The following PLXNA4 variants were observed in gnomAD, a reference collection of about 807,000 sequenced individuals.
The protein encoded by PLXNA4 is plexin-A4.
A neutral mutation model predicts 191.8 loss-of-function variants in PLXNA4; 44 were observed. The ratio of observed to expected loss-of-function variants is 0.23; its 90% CI spans 0.18 to 0.29. The LOEUF is 0.29. Among genes scored for constraint, PLXNA4 ranks in the 10% least tolerant of loss-of-function variants. The probability of loss-of-function intolerance (pLI) is 1.00; values close to 1 mark genes in which losing one functional copy is unlikely to be tolerated. For synonymous variants in PLXNA4, 1,082 were observed against 1,009.5 expected (o/e 1.07, Z -1.36); for missense variants, 1,800 against 2,488.8 (o/e 0.72, Z 5.89).
intron 3 of PLXNA4, among the ~76,000 whole-genome samples, chr7:132,485,459 C>T (rs1391905471): frequency 6.6e-6 from 1 of 152,140 alleles, no homozygotes; most frequent in Admixed American, 6.5e-5. Flanking sequence ...TAAAAATGAT[C>T]GCTTAGTGAA....
intron 3 of PLXNA4, among the ~76,000 whole-genome samples, chr7:132,429,277 T>C (rs1012233581): frequency 6.6e-6 from 1 of 152,184 alleles, no homozygotes; most frequent in Non-Finnish European, 1.5e-5. Flanking sequence ...GTCCCTGGGT[T>C]ACAATTCACT....
At chr7:132,572,776 G>A (rs1399551681) in intron 1 of PLXNA4, among the ~76,000 whole-genome samples, 1 of 152,222 alleles carries the variant, frequency 6.6e-6, no homozygotes, top group Non-Finnish European at 1.5e-5. Flanking sequence ...TCAGGTGGGA[G>A]TCTGGGGAGG....
At position 132,126,944 on chromosome 7, in the gene PLXNA4, C is replaced by CTA. The variant is rs1794784217; in HGVS notation, c.*3533_*3534dup. 6.6e-6 allele frequency: 1 copy of CTA among 152,180 alleles called. No individual in the cohort carries two copies. Among genetic ancestry groups the CTA allele is most frequent in the Admixed American group, 6.5e-5 (1 of 15,284 alleles). The allele number at this position is 152,180 out of a possible 1,614,324, so 9.4% of individuals were successfully genotyped here. On this transcript the variant is annotated 3_prime_UTR_variant, in exon 32 of 32. Coordinates refer to ENST00000321063, the MANE Select transcript of PLXNA4 (RefSeq NM_020911.2). ...TGATGGCCACCTTCACTTAGTGGCA[C>CTA]TATTTGCAGCTACCAAGAAATGTCA...
In PLXNA4 at chr7:132,130,353, G is replaced by A; in HGVS notation, c.*126C>T. ...ACGGAAAGAGGCAGAGAGAAAGAGA[G>A]AGAAACAGCGCTGCTCAGGGGATGC... On this transcript the variant is annotated 3_prime_UTR_variant, in exon 32 of 32. Coordinates refer to ENST00000321063, the MANE Select transcript of PLXNA4 (RefSeq NM_020911.2). 1 of 1,316,160 alleles carries A rather than the reference G, an allele frequency of 7.6e-7. No homozygotes were observed. The highest frequency in any genetic ancestry group is 1.1e-6 in the Non-Finnish European group (1 of 940,288). The allele number at this position is 1,316,160 out of a possible 1,614,324, so 81.5% of individuals were successfully genotyped here.
In PLXNA4 at chr7:132,508,361, G is replaced by A. The variant is rs1422676536; in HGVS notation, c.333C>T (p.Thr111=). 1.2e-6 allele frequency: 2 copies of A among 1,614,190 alleles called. No homozygotes were observed. The highest frequency in any genetic ancestry group is 2.2e-5 in the South Asian group (2 of 91,078). The change falls in exon 2 of 32, where the codon ACC becomes ACT. Residue 111 remains threonine, a synonymous_variant. Transcript: ENST00000321063. This position sits in a 1 kb window ranked among gnomAD's most constrained non-coding sequence, Gnocchi z 4.4. ...TGAGGAGCATCTTGTTGACATTGTT[G>A]GTGGTGGTCAGGGGCTCATTGCAGG... The part of the protein sequence containing the change: ...VQTCNEPLTT[T]NNVNKMLLID...
At chr7:132,528,254 C>G (rs1799484387) in intron 1 of PLXNA4, among the ~76,000 whole-genome samples, 1 of 152,142 alleles carries the variant, frequency 6.6e-6, no homozygotes, top group Non-Finnish European at 1.5e-5. Flanking sequence ...GGAGGCGCAG[C>G]AGTTGGACAC....
At chr7:132,267,405 G>C (rs1424689226) in intron 4 of PLXNA4, among the ~76,000 whole-genome samples, 1 of 152,154 alleles carries the variant, frequency 6.6e-6, no homozygotes, top group Non-Finnish European at 1.5e-5. Context: ...ATGGGGAGAG[G>C]GGTGTGCCCA....
chr7:132,598,338 T>C (rs2116836650), intron 2 of PLXNA4, among the ~76,000 whole-genome samples: 1 of 152,262 alleles, frequency 6.6e-6, no homozygotes, highest in African/African-American at 2.4e-5. Context: ...CTCAAACTCC[T>C]GAACTCATGA....
intron 13 of PLXNA4, among the ~76,000 whole-genome samples, chr7:132,194,852 TCTTAAAA>T (rs535916336): frequency 4.6e-4 from 70 of 152,298 alleles, no homozygotes; most frequent in African/African-American, 1.6e-3. Context: ...GCCCCATTCT[TCTTAAAA>T]CTTAAAACTA....
At chr7:132,407,284 TG>T (rs1794261437) in intron 3 of PLXNA4, among the ~76,000 whole-genome samples, 1 of 152,132 alleles carries the variant, frequency 6.6e-6, no homozygotes, top group Non-Finnish European at 1.5e-5. Flanking sequence ...AGGGATGAGA[TG>T]GACTGATGTG....
chr7:132,472,334 C>T (rs1796962896), intron 3 of PLXNA4, among the ~76,000 whole-genome samples: 1 of 152,202 alleles, frequency 6.6e-6, no homozygotes, highest in South Asian at 2.1e-4. Flanking sequence ...TTGCTCTGGT[C>T]AGTTGCACAA....
intron 3 of PLXNA4, among the ~76,000 whole-genome samples, chr7:132,444,494 G>C (rs1795821112): frequency 6.6e-6 from 1 of 152,204 alleles, no homozygotes; most frequent in African/African-American, 2.4e-5. Flanking sequence ...ACCTCCCAAA[G>C]TGCTGGGATT....
chr7:132,486,352 G>T (rs973079240), intron 3 of PLXNA4, among the ~76,000 whole-genome samples: 2 of 152,218 alleles, frequency 1.3e-5, no homozygotes, highest in African/African-American at 4.8e-5. Flanking sequence ...CTTAGTGAGT[G>T]AGTGGGGGTG....
chr7:132,376,144 C>T (rs1339307031), intron 3 of PLXNA4, among the ~76,000 whole-genome samples: 1 of 152,198 alleles, frequency 6.6e-6, no homozygotes, highest in African/African-American at 2.4e-5. Flanking sequence ...AGTGTTGCTA[C>T]TCTGAAGACT....
At chr7:132,364,663 C>T (rs1804083092) in intron 3 of PLXNA4, among the ~76,000 whole-genome samples, 1 of 152,174 alleles carries the variant, frequency 6.6e-6, no homozygotes, top group African/African-American at 2.4e-5. Flanking sequence ...AGGAATTTTC[C>T]TTATCACCAA....
intron 20 of PLXNA4, among the ~76,000 whole-genome samples, chr7:132,178,557 G>C (rs569506586): frequency 9.2e-5 from 14 of 152,314 alleles, no homozygotes; most frequent in African/African-American, 2.6e-4. Context: ...TGTTGCCAGG[G>C]TGGGGCCTGC....
At chr7:132,571,006 C>T (rs938496661) in intron 1 of PLXNA4, among the ~76,000 whole-genome samples, 2 of 152,114 alleles carry the variant, frequency 1.3e-5, no homozygotes, top group Admixed American at 6.5e-5. Flanking sequence ...CTTCTAGCCA[C>T]CTCAAGTTGG....
At chr7:132,296,941 C>T (rs1801106874) in intron 4 of PLXNA4, among the ~76,000 whole-genome samples, 1 of 152,058 alleles carries the variant, frequency 6.6e-6, no homozygotes. Flanking sequence ...CAGTGGGTCC[C>T]AGTATGGCTG....
intron 2 of PLXNA4, among the ~76,000 whole-genome samples, chr7:132,500,421 C>T (rs914946736): frequency 6.7e-6 from 1 of 149,542 alleles, no homozygotes; most frequent in African/African-American, 2.5e-5. Context: ...CCACCCTGGG[C>T]AACAAGAGTG....
Sources: gnomAD v4.1 joint callset for allele counts (sites outside exome capture counted in the v4.1 genomes callset) on GRCh38, gnomAD v4.1.1 for gene constraint, Gnocchi (gnomAD v3.1) non-coding constraint, MANE v1.5 for transcripts, NCBI Gene and HGNC (gene_info 2026-07-23, HGNC 2026-07-21) for gene names.